ANAPC16: variants seen among roughly 807,000 people sequenced by gnomAD.
ANAPC16 encodes anaphase promoting complex subunit 16.
Under a neutral mutation model 13.1 loss-of-function variants are expected in ANAPC16, and 6 were observed. The observed-to-expected ratio is 0.46, with a 90% CI of 0.25 to 0.90. ANAPC16 has a LOEUF of 0.90. Ranked by LOEUF, ANAPC16 falls within the 40% of genes least tolerant of loss-of-function variation. The probability of loss-of-function intolerance (pLI) is 0.18; values close to 1 mark genes in which losing one functional copy is unlikely to be tolerated. For missense variants in ANAPC16, 113 were observed against 131.1 expected, an observed-to-expected ratio of 0.86 and a Z score of 0.67; for synonymous variants, 55 against 51.3, an observed-to-expected ratio of 1.07 and a Z score of -0.31.
intron 3 of ANAPC16, among the ~76,000 whole-genome samples, chr10:72,231,432 C>T (rs1216078046): frequency 6.6e-6 from 1 of 152,028 alleles, no homozygotes; most frequent in Non-Finnish European, 1.5e-5. Context: ...GTCCCAGCTA[C>T]GTGGGAGGCT....
rs536925349 is a variant in ANAPC16 at position 72,231,474 on chromosome 10, A to G, written c.217+1034A>G. Among the ~76,000 whole-genome samples, 58 of 151,756 alleles carry G rather than the reference A, an allele frequency of 3.8e-4. 1 individual carries two copies. The highest frequency in any genetic ancestry group is 2.9e-3 in the Admixed American group (44 of 15,234). ...GGACGATCGCTTCAGCCCAGGAGGCATACTCCAGCCTTGGTGACAGAGTGA... is the reference window on the plus strand; with the variant it reads ...GGACGATCGCTTCAGCCCAGGAGGCGTACTCCAGCCTTGGTGACAGAGTGA... On this transcript the variant is annotated intron_variant, in intron 3 of 3. Transcript: ENST00000299381.
chr10:72,227,277 C>T (rs1860151103), intron 2 of ANAPC16, among the ~76,000 whole-genome samples: 1 of 152,180 alleles, frequency 6.6e-6, no homozygotes, highest in South Asian at 2.1e-4. Context: ...AGAAGAAAGG[C>T]TTCTGAGATT....
rs1216037384 is a variant in ANAPC16, at chr10:72,216,071, T to G, written c.-95T>G. On this transcript the variant is annotated 5_prime_UTR_variant, in exon 1 of 4. Transcript: ENST00000299381. ...GGCGAACACGCCGCGGTCCTCGTCG[T>G]GGTGAGCGCAGCCACTCAGGCTGGT... 6.6e-6 allele frequency: 1 copy of G among 152,298 alleles called. No individual in the cohort carries two copies. The highest frequency in any genetic ancestry group is 6.5e-5 in the Admixed American group (1 of 15,284). The allele number at this position is 152,298 out of a possible 1,614,324, so 9.4% of individuals were successfully genotyped here. A position where few individuals can be genotyped will look rare whatever the true frequency, so the allele number is the denominator to read the frequency against.
intron 2 of ANAPC16, among the ~76,000 whole-genome samples, chr10:72,227,874 T>TAA (rs1860173143): frequency 1.7e-5 from 1 of 59,378 alleles, no homozygotes; most frequent in African/African-American, 8.6e-5. Flanking sequence ...CTACTAAAAA[T>TAA]ACAAAAAAAA....
At position 72,234,886 on chromosome 10, in the gene ANAPC16, C is replaced by T. The variant is rs1025757152; in HGVS notation, c.*1770C>T. ...AAATTGGAGACTGGGCACAGTGGCT[C>T]CCACCTTTAATCCCAGCACCTGGGG... is the stretch of plus-strand genomic sequence containing the variant. On this transcript the variant is annotated 3_prime_UTR_variant, in exon 4 of 4. Coordinates refer to ENST00000299381, the MANE Select transcript of ANAPC16 (RefSeq NM_173473.4). The T allele has an allele frequency of 6.6e-6, 1 of 152,204 alleles. No homozygotes were observed. Among genetic ancestry groups the T allele is most frequent in the Non-Finnish European group, 1.5e-5 (1 of 68,048 alleles). The allele number at this position is 152,204 out of a possible 1,614,324, so 9.4% of individuals were successfully genotyped here. A position where few individuals can be genotyped will look rare whatever the true frequency, so the allele number is the denominator to read the frequency against.
Position 72,223,958 on chromosome 10 carries a change from G to A in ANAPC16, c.44G>A (p.Gly15Glu). ...TCCTCCTCAGCTGGTGGGGTCAGTG[G>A]AAGTTCTGTCACTGGATCTGGTTTC... Reference protein sequence around the residue: ...SSSSSAGGVSGSSVTGSGFSV... With the variant: ...SSSSSAGGVSESSVTGSGFSV... Residue 15 changes from glycine to glutamate, a missense_variant, in exon 2 of 4, where the codon GGA becomes GAA. By Grantham distance (98) the Gly-to-Glu change is moderately conservative. Transcript: ENST00000299381. 6.2e-7 allele frequency: 1 copy of A among 1,611,638 alleles called. No individual in the cohort carries two copies. The highest frequency in any genetic ancestry group is 8.5e-7 in the Non-Finnish European group (1 of 1,178,102).
At chr10:72,232,080 G>T (rs1860327958) in intron 3 of ANAPC16, among the ~76,000 whole-genome samples, 2 of 151,016 alleles carry the variant, frequency 1.3e-5, no homozygotes, top group African/African-American at 4.9e-5. Flanking sequence ...CAGCTACTCG[G>T]GAGGCTGAGG....
intron 1 of ANAPC16, chr10:72,223,582 A>G: frequency 5.1e-6 from 1 of 195,992 alleles, no homozygotes; most frequent in Non-Finnish European, 1.0e-5. Flanking sequence ...CTGCCTTGGC[A>G]CTGCCATATC....
At chr10:72,225,729 GTC>G (rs1860099813) in intron 2 of ANAPC16, among the ~76,000 whole-genome samples, 1 of 151,922 alleles carries the variant, frequency 6.6e-6, no homozygotes, top group Non-Finnish European at 1.5e-5. Flanking sequence ...GTGAAACCCC[GTC>G]TCTACTAAAA....
rs1430794525 is a variant in ANAPC16, at chr10:72,216,097, C to G, written c.-69C>G. 1 of 152,414 alleles carries G rather than the reference C, an allele frequency of 6.6e-6. No homozygotes were observed. The highest frequency in any genetic ancestry group is 1.5e-5 in the Non-Finnish European group (1 of 68,200). The allele number at this position is 152,414 out of a possible 1,614,324, so 9.4% of individuals were successfully genotyped here. On this transcript the variant is annotated 5_prime_UTR_variant, in exon 1 of 4. Transcript: ENST00000299381. ...GGTGAGCGCAGCCACTCAGGCTGGT[C>G]CTGGGGGTGGGGCTGTAGGGGAAAG... is the stretch of plus-strand genomic sequence containing the variant.
At chr10:72,225,356 T>C (rs1235510904) in intron 2 of ANAPC16, among the ~76,000 whole-genome samples, 1 of 151,398 alleles carries the variant, frequency 6.6e-6, no homozygotes, top group African/African-American at 2.4e-5. Flanking sequence ...TAGTCTAGGG[T>C]GTAGCTCAGG....
Position 72,230,430 on chromosome 10 carries a change from G to C in ANAPC16, c.207G>C (p.Gln69His), listed in dbSNP as rs1860260451. The change falls in exon 3 of 4, where the codon CAG becomes CAC. Residue 69 changes from glutamine (Q) to histidine (H), a missense_variant. By Grantham distance (24) the Gln-to-His change is conservative. Coordinates refer to ENST00000299381, the MANE Select transcript of ANAPC16 (RefSeq NM_173473.4). ...ATCAAGTGGCATCCACGCTTAAACA[G>C]GTGAAACATGGTAAGCACATGAGTG... is the stretch of plus-strand genomic sequence containing the variant. ...FSYQVASTLK[Q>H]VKHDQQVARM... 6.2e-7 allele frequency: 1 copy of C among 1,613,802 alleles called. No homozygotes were observed. The highest frequency in any genetic ancestry group is 8.5e-7 in the Non-Finnish European group (1 of 1,179,892).
chr10:72,229,330 T>C (rs1860225906), intron 2 of ANAPC16, among the ~76,000 whole-genome samples: 1 of 151,946 alleles, frequency 6.6e-6, no homozygotes, highest in African/African-American at 2.4e-5. Context: ...TTGTTTTTTT[T>C]TTTAATTGGT....
intron 1 of ANAPC16, among the ~76,000 whole-genome samples, chr10:72,219,583 CA>C (rs887035261): frequency 3.0e-4 from 46 of 151,920 alleles, no homozygotes; most frequent in African/African-American, 1.1e-3. Flanking sequence ...AAAAAATAAA[CA>C]AAATTAGTGG....
At chr10:72,218,158 AAAAAAAAATATATATATATATAT>A (rs1282340235) in intron 1 of ANAPC16, among the ~76,000 whole-genome samples, 32 of 46,784 alleles carry the variant, frequency 6.8e-4, no homozygotes, top group East Asian at 4.1e-3. Context: ...AAAAAAAAAA[AAAAAAAAATATATATATATATAT>A]ATATATATAT....
chr10:72,232,300 T>C (rs1027836672), intron 3 of ANAPC16, among the ~76,000 whole-genome samples: 1 of 150,620 alleles, frequency 6.6e-6, no homozygotes, highest in Non-Finnish European at 1.5e-5. Flanking sequence ...ATCCCAGCAC[T>C]TTGGGAGGCT....
intron 1 of ANAPC16, among the ~76,000 whole-genome samples, chr10:72,217,472 CAA>C (rs11393524): frequency 3.1e-4 from 26 of 84,484 alleles, no homozygotes; most frequent in Admixed American, 4.3e-4. Context: ...GAATCCGTCT[CAA>C]AAAAAAAAAA....
In ANAPC16 at chr10:72,235,011, T is replaced by C. The variant is rs937302464; in HGVS notation, c.*1895T>C. The C allele has an allele frequency of 6.6e-6, 1 of 151,892 alleles. No homozygotes were observed. Among genetic ancestry groups the C allele is most frequent in the Non-Finnish European group, 1.5e-5 (1 of 68,056 alleles). The allele number at this position is 151,892 out of a possible 1,614,324, so 9.4% of individuals were successfully genotyped here. ...ATTGAAAATACAAAAATTAGCTCAG[T>C]GTGGTGGCACACACTTGTAATCCCA... is the stretch of plus-strand genomic sequence containing the variant. On this transcript the variant is annotated 3_prime_UTR_variant, in exon 4 of 4. Coordinates refer to ENST00000299381, the MANE Select transcript of ANAPC16 (RefSeq NM_173473.4).
In ANAPC16 at chr10:72,233,060, G is replaced by C. The variant is rs373225911; in HGVS notation, c.277G>C (p.Glu93Gln). Residue 93 changes from glutamate (E) to glutamine (Q), a missense_variant, in exon 4 of 4, where the codon GAG (glutamate) becomes CAG (glutamine). By Grantham distance (29) the Glu-to-Gln change is conservative. Transcript: ENST00000299381. Reference protein sequence around the residue: ...AGLVEELEADEWRFKPIEQLL... With the variant: ...AGLVEELEADQWRFKPIEQLL... ...TTTGGTAGAAGAGCTGGAGGCTGAC[G>C]AGTGGCGGTTTAAGCCCATCGAGCA... 3 of 1,614,234 alleles carry C rather than the reference G, an allele frequency of 1.9e-6. No homozygotes were observed. Among genetic ancestry groups the C allele is most frequent in the Non-Finnish European group, 2.5e-6 (3 of 1,180,040 alleles).
Sources: allele counts gnomAD v4.1 joint callset (sites outside exome capture counted in the v4.1 genomes callset), GRCh38; gene constraint gnomAD v4.1.1; transcripts MANE v1.5; gene names NCBI Gene and HGNC (gene_info 2026-07-23, HGNC 2026-07-21).